Variants in CDKAL1 observed in about 807,000 individuals in gnomAD.
CDKAL1 encodes the protein threonylcarbamoyladenosine tRNA methylthiotransferase.
Under a neutral mutation model 68.2 loss-of-function variants are expected in CDKAL1, and 32 were observed. That is an observed-to-expected ratio of 0.47 (90% CI 0.35 to 0.63). The LOEUF (loss-of-function observed/expected upper bound fraction) is 0.63, where lower values mean the gene tolerates loss of function less well. Ranked by LOEUF, CDKAL1 falls within the 30% of genes least tolerant of loss-of-function variation. The probability of loss-of-function intolerance (pLI) is 0.00; values close to 1 mark genes in which losing one functional copy is unlikely to be tolerated. For missense variants in CDKAL1, 606 were observed against 696.7 expected (o/e 0.87, Z 1.47); for synonymous variants, 234 against 244.3 (o/e 0.96, Z 0.39).
At chr6:20,952,504 A>G (rs1344794987) in intron 9 of CDKAL1, among the ~76,000 whole-genome samples, 1 of 152,210 alleles carries the variant, frequency 6.6e-6, no homozygotes, top group Non-Finnish European at 1.5e-5. Context: ...CTTAGCTAAT[A>G]GCCAGTTTAA....
At chr6:20,837,104 A>T (rs889958322) in intron 8 of CDKAL1, among the ~76,000 whole-genome samples, 2 of 152,206 alleles carry the variant, frequency 1.3e-5, no homozygotes, top group African/African-American at 4.8e-5. Flanking sequence ...TGAAGTTAAA[A>T]TGGTGGGTAA....
chr6:20,542,595 A>C (rs1302189443), intron 2 of CDKAL1, among the ~76,000 whole-genome samples: 1 of 152,132 alleles, frequency 6.6e-6, no homozygotes, highest in African/African-American at 2.4e-5. Context: ...TTTTTTCTTA[A>C]CTATTTTATT....
intron 9 of CDKAL1, among the ~76,000 whole-genome samples, chr6:20,897,861 A>G (rs1265531248): frequency 2.6e-5 from 4 of 152,150 alleles, no homozygotes; most frequent in African/African-American, 9.6e-5. Flanking sequence ...TTAAAAGTAC[A>G]TTTATTTCAT....
At chr6:21,094,700 A>G (rs975392457) in intron 12 of CDKAL1, among the ~76,000 whole-genome samples, 2 of 152,274 alleles carry the variant, frequency 1.3e-5, no homozygotes, top group Non-Finnish European at 2.9e-5. Context: ...TAGTGATAGA[A>G]GAAGCCAATA....
At chr6:21,124,070 G>A (rs1774863650) in intron 13 of CDKAL1, among the ~76,000 whole-genome samples, 1 of 152,128 alleles carries the variant, frequency 6.6e-6, no homozygotes, top group Non-Finnish European at 1.5e-5. Context: ...TTTAAACAAA[G>A]CCAAATGGTT....
intron 4 of CDKAL1, among the ~76,000 whole-genome samples, chr6:20,615,853 C>A (rs1766870607): frequency 7.8e-6 from 1 of 128,324 alleles, no homozygotes; most frequent in East Asian, 2.9e-4. Context: ...GAAGTCCTTG[C>A]CCATGCCTAT....
chr6:20,725,040 A>G (rs1176629165), intron 5 of CDKAL1, among the ~76,000 whole-genome samples: 2 of 152,208 alleles, frequency 1.3e-5, no homozygotes, highest in Non-Finnish European at 2.9e-5. Flanking sequence ...TGAATTCACT[A>G]AATGTAACAG....
At chr6:20,854,097 C>G (rs1759194903) in intron 9 of CDKAL1, among the ~76,000 whole-genome samples, 1 of 152,184 alleles carries the variant, frequency 6.6e-6, no homozygotes, top group Non-Finnish European at 1.5e-5. Flanking sequence ...CACATGGTCC[C>G]TGTCTTTAAA....
intron 13 of CDKAL1, among the ~76,000 whole-genome samples, chr6:21,119,983 A>G (rs1025215950): frequency 6.6e-6 from 1 of 152,134 alleles, no homozygotes; most frequent in Non-Finnish European, 1.5e-5. Flanking sequence ...TGTTGATTTA[A>G]TACTCATCCT....
chr6:21,000,511 T>G, intron 11 of CDKAL1, 139 bp downstream of exon 11: 1 of 679,580 alleles, frequency 1.5e-6, no homozygotes, highest in Non-Finnish European at 2.4e-6. Flanking sequence ...AGCCTTTAAG[T>G]CTCCTTGGCA....
At chr6:20,972,032 C>A (rs1159254220) in intron 10 of CDKAL1, among the ~76,000 whole-genome samples, 2 of 152,134 alleles carry the variant, frequency 1.3e-5, no homozygotes, top group African/African-American at 4.8e-5. Flanking sequence ...GTCAGAGAGG[C>A]CTGAGACACC....
intron 7 of CDKAL1, among the ~76,000 whole-genome samples, chr6:20,780,367 C>T (rs771336161): frequency 5.3e-5 from 8 of 151,412 alleles, no homozygotes; most frequent in Non-Finnish European, 8.8e-5. Flanking sequence ...AAAATCCAGC[C>T]CTAAAGTATA....
intron 10 of CDKAL1, among the ~76,000 whole-genome samples, chr6:20,986,944 C>A (rs967463876): frequency 6.6e-6 from 1 of 152,174 alleles, no homozygotes; most frequent in Non-Finnish European, 1.5e-5. Context: ...GGCACGAAGT[C>A]TCAATTTTAC....
intron 9 of CDKAL1, among the ~76,000 whole-genome samples, chr6:20,860,607 C>T (rs1196582057): frequency 2.0e-5 from 3 of 151,938 alleles, no homozygotes; most frequent in African/African-American, 4.8e-5. Context: ...GGGCAGATCA[C>T]GAGATCAAGA....
intron 4 of CDKAL1, among the ~76,000 whole-genome samples, chr6:20,621,886 A>T (rs371999365): frequency 4.0e-5 from 6 of 150,994 alleles, no homozygotes; most frequent in Non-Finnish European, 7.4e-5. Flanking sequence ...GATTCCTTTT[A>T]TTGAAGAGTA....
At chr6:20,685,637 A>G (rs1309256217) in intron 5 of CDKAL1, among the ~76,000 whole-genome samples, 2 of 152,202 alleles carry the variant, frequency 1.3e-5, no homozygotes, top group Admixed American at 1.3e-4. Flanking sequence ...CTAAATATGG[A>G]ATATCTCTTC....
chr6:20,810,804 A>C (rs1272256158), intron 8 of CDKAL1, among the ~76,000 whole-genome samples: 1 of 152,036 alleles, frequency 6.6e-6, no homozygotes, highest in Non-Finnish European at 1.5e-5. Flanking sequence ...GTCAGTCTCC[A>C]AGCTTTCACA....
intron 5 of CDKAL1, among the ~76,000 whole-genome samples, chr6:20,652,133 A>G (rs1768799115): frequency 1.3e-5 from 2 of 151,906 alleles, no homozygotes; most frequent in Non-Finnish European, 2.9e-5. Context: ...TGGCTTTTTG[A>G]AGGGTTTTTT....
intron 4 of CDKAL1, among the ~76,000 whole-genome samples, chr6:20,603,426 A>G (rs1295812640): frequency 6.6e-6 from 1 of 152,172 alleles, no homozygotes; most frequent in Non-Finnish European, 1.5e-5. Context: ...AGTAAGTTAA[A>G]CGAGCTGGTG....
Sources: gnomAD v4.1 joint callset for allele counts (sites outside exome capture counted in the v4.1 genomes callset) on GRCh38, gnomAD v4.1.1 for gene constraint, MANE v1.5 for transcripts, NCBI Gene and HGNC (gene_info 2026-07-23, HGNC 2026-07-21) for gene names.